Variants in ABLIM2 observed in about 807,000 individuals in gnomAD.
ABLIM2 encodes actin-binding LIM protein 2.
In ABLIM2, 53 loss-of-function variants were observed where a neutral mutation model predicts 97.7. The ratio of observed to expected loss-of-function variants is 0.54; its 90% CI spans 0.44 to 0.68. ABLIM2 has a LOEUF of 0.68. Ranked by LOEUF, ABLIM2 falls within the 30% of genes least tolerant of loss-of-function variation. ABLIM2 has a pLI of 0.00. For synonymous variants in ABLIM2, 361 were observed against 345.8 expected (o/e 1.04, Z -0.49); for missense variants, 835 against 867.2 (o/e 0.96, Z 0.47).
intron 10 of ABLIM2, among the ~76,000 whole-genome samples, chr4:8,031,361 A>G (rs1326837218): frequency 1.3e-5 from 2 of 152,336 alleles, no homozygotes; most frequent in East Asian, 3.9e-4. Context: ...CTGGAAGGGA[A>G]GCTGACATCC....
chr4:8,110,757 C>A (rs893278365), intron 1 of ABLIM2, among the ~76,000 whole-genome samples: 7 of 152,136 alleles, frequency 4.6e-5, no homozygotes, highest in Non-Finnish European at 8.8e-5. Context: ...CCGAGGCGTC[C>A]GGGGGCTGCA....
chr4:7,974,020 G>C (rs375841409), intron 20 of ABLIM2, among the ~76,000 whole-genome samples: 2 of 152,236 alleles, frequency 1.3e-5, no homozygotes, highest in East Asian at 3.8e-4. Context: ...AGGTTTCCCA[G>C]AGAAGAAACC....
intron 14 of ABLIM2, among the ~76,000 whole-genome samples, chr4:8,018,142 G>A (rs1770845365): frequency 6.6e-6 from 1 of 152,170 alleles, no homozygotes. Context: ...AACCTGGTTT[G>A]CTCTCTTCCC....
Position 8,005,837 on chromosome 4 carries a change from T to G in ABLIM2, c.1618+2222A>C, listed in dbSNP as rs529582073. On this transcript the variant is annotated intron_variant, in intron 16 of 20. Transcript: ENST00000447017. The surrounding 1 kb of genome is among the most constrained non-coding windows in gnomAD (Gnocchi z 4.9). ...GGACAGCATCATAGCCACATCTTCA[T>G]AAGCAGGCATGGCCAGGGGAAGGAC... is the stretch of plus-strand genomic sequence containing the variant. Among the ~76,000 whole-genome samples the G allele has an allele frequency of 6.6e-6, 1 of 152,320 alleles. No individual in the cohort carries two copies. Among genetic ancestry groups the G allele is most frequent in the East Asian group, 1.9e-4 (1 of 5,182 alleles).
chr4:7,993,796 T>A, intron 16 of ABLIM2: 1 of 409,150 alleles, frequency 2.4e-6, no homozygotes, highest in Non-Finnish European at 4.9e-6. Context: ...GAACTCTGGA[T>A]TCCCTGTGGG....
intron 1 of ABLIM2, 54 bp from the exon 2 acceptor site, chr4:8,106,691 G>A (rs1010319246): frequency 6.5e-7 from 1 of 1,549,930 alleles, no homozygotes; most frequent in Non-Finnish European, 8.7e-7. Flanking sequence ...GAGGCACAAA[G>A]GTGAGCAAAG....
Position 8,029,705 on chromosome 4 carries a change from G to A in ABLIM2, c.1119C>T (p.Leu373=), listed in dbSNP as rs1469731360. The A allele has an allele frequency of 1.0e-5, 16 of 1,551,454 alleles. No homozygotes were observed. Among genetic ancestry groups the A allele is most frequent in the Admixed American group, 9.8e-5 (5 of 51,058 alleles). Reference sequence around the variant, plus strand: ...ACCGTGAGGTCGGAGTGTAGCGCCCGAGGCTAACCGACCCAGTGGAGCTTG... The same window carrying A: ...ACCGTGAGGTCGGAGTGTAGCGCCCAAGGCTAACCGACCCAGTGGAGCTTG... The part of the protein sequence containing the change: ...SSPSSTGSVS[L]GRYTPTSRSP... The change falls in exon 11 of 21, where the codon CTC becomes CTT. Residue 373 remains leucine, a synonymous_variant. Transcript: ENST00000447017.
rs541463474 is a variant in ABLIM2 at position 8,122,017 on chromosome 4, C to G, written c.11-15380G>C. On this transcript the variant is annotated intron_variant, in intron 1 of 20. Coordinates refer to ENST00000447017, the MANE Select transcript of ABLIM2 (RefSeq NM_001130083.2). This position sits in a 1 kb window ranked among gnomAD's most constrained non-coding sequence, Gnocchi z 4.1. Reference sequence around the variant, plus strand: ...AGCTGAGGGGCTGAGCTAGTCCCACCAGGGACCCCACTCTCTCTCCAGGCA... The same window carrying G: ...AGCTGAGGGGCTGAGCTAGTCCCACGAGGGACCCCACTCTCTCTCCAGGCA... Among the ~76,000 whole-genome samples, 1 of 152,204 alleles carries G rather than the reference C, an allele frequency of 6.6e-6. No homozygotes were observed. The highest frequency in any genetic ancestry group is 1.5e-5 in the Non-Finnish European group (1 of 68,032).
Position 8,022,801 on chromosome 4 carries a change from C to T in ABLIM2, c.1268-2498G>A, listed in dbSNP as rs1332656826. On this transcript the variant is annotated intron_variant, in intron 12 of 20. Transcript: ENST00000447017. The surrounding 1 kb of genome is among the most constrained non-coding windows in gnomAD (Gnocchi z 7.8). ...GCTGCTAGGCTCACATCCCAGGGGG[C>T]TTCTGATATGCTACAGACGGGGATG... 1.3e-5 allele frequency: 2 copies of T among 152,378 alleles called. No homozygotes were observed. Among genetic ancestry groups the T allele is most frequent in the African/African-American group, 4.8e-5 (2 of 41,472 alleles). The allele number at this position is 152,378 out of a possible 1,614,324, so 9.4% of individuals were successfully genotyped here. A position where few individuals can be genotyped will look rare whatever the true frequency, so the allele number is the denominator to read the frequency against.
rs1812352100 is a variant in ABLIM2 at position 8,071,765 on chromosome 4, C to G, written c.675+5863G>C. ...CCCTTGGAGTTGCGGGCCAGGTTTC[C>G]TACCTGCACAGCTTCTGGGCACCAG... On this transcript the variant is annotated intron_variant, in intron 6 of 20. Transcript: ENST00000447017. The surrounding 1 kb of genome is among the most constrained non-coding windows in gnomAD (Gnocchi z 6.2). 4 of 985,314 alleles carry G rather than the reference C, an allele frequency of 4.1e-6. No homozygotes were observed. In the South Asian group the frequency reaches 1.4e-4, roughly 35 times the overall value. 61.0% of individuals were successfully genotyped at this position (985,314 alleles called of 1,614,324 possible). A position where few individuals can be genotyped will look rare whatever the true frequency, so the allele number is the denominator to read the frequency against.
Position 8,005,190 on chromosome 4 carries a change from G to T in ABLIM2, c.1618+2869C>A. The T allele has an allele frequency of 2.4e-6, 1 of 413,714 alleles. No individual in the cohort carries two copies. The highest frequency in any genetic ancestry group is 5.0e-6 in the Non-Finnish European group (1 of 201,902). 25.6% of individuals were successfully genotyped at this position (413,714 alleles called of 1,614,324 possible). The stretch of plus-strand genomic sequence containing the variant: ...GCGGGCAGGCGGCGGCGGGATGCGT[G>T]TGCGCTCGCTCTGTCGGCGTCTCTG... On this transcript the variant is annotated intron_variant, in intron 16 of 20. Coordinates refer to ENST00000447017, the MANE Select transcript of ABLIM2 (RefSeq NM_001130083.2). This position sits in a 1 kb window ranked among gnomAD's most constrained non-coding sequence, Gnocchi z 4.9.
intron 8 of ABLIM2, among the ~76,000 whole-genome samples, chr4:8,047,821 A>G (rs528704751): frequency 2.6e-5 from 4 of 152,330 alleles, no homozygotes; most frequent in African/African-American, 9.6e-5. Flanking sequence ...AGCACTGAAA[A>G]ATTCTCCCCA....
chr4:8,060,651 G>T (rs971157764), intron 7 of ABLIM2, among the ~76,000 whole-genome samples: 2 of 152,236 alleles, frequency 1.3e-5, no homozygotes, highest in Non-Finnish European at 2.9e-5. Context: ...CGACGGATGT[G>T]ATCAGGCCGT....
At chr4:8,103,465 C>A (rs770438664) in intron 2 of ABLIM2, among the ~76,000 whole-genome samples, 1 of 152,264 alleles carries the variant, frequency 6.6e-6, no homozygotes, top group African/African-American at 2.4e-5. Flanking sequence ...CTGGCTGCCA[C>A]ATCTGCAGGG....
In ABLIM2 at chr4:8,113,990, C is replaced by T. The variant is rs1174860376; in HGVS notation, c.11-7353G>A. Among the ~76,000 whole-genome samples, 1 of 152,120 alleles carries T rather than the reference C, an allele frequency of 6.6e-6. No homozygotes were observed. Among genetic ancestry groups the T allele is most frequent in the African/African-American group, 2.4e-5 (1 of 41,424 alleles). On this transcript the variant is annotated intron_variant, in intron 1 of 20. Transcript: ENST00000447017. This position sits in a 1 kb window ranked among gnomAD's most constrained non-coding sequence, Gnocchi z 4.5. ...GGCTTCTGGGAGGAGGTGACATAAA[C>T]TAGAAGCTCAGAGGATGGACAGGCA... is the stretch of plus-strand genomic sequence containing the variant.
chr4:8,049,339 C>T (rs1186185186), intron 8 of ABLIM2, among the ~76,000 whole-genome samples: 1 of 152,260 alleles, frequency 6.6e-6, no homozygotes, highest in Non-Finnish European at 1.5e-5. Context: ...ACATCCTTCT[C>T]ACCTCCGCTG....
chr4:8,009,203 A>C, intron 14 of ABLIM2, 101 bp from the exon 15 acceptor site: 1 of 1,441,900 alleles, frequency 6.9e-7, no homozygotes, highest in Non-Finnish European at 9.7e-7. Flanking sequence ...ATGAAAAATC[A>C]ATCAAAGAGA....
chr4:8,144,800 C>T (rs562184882), intron 1 of ABLIM2, among the ~76,000 whole-genome samples: 5 of 152,342 alleles, frequency 3.3e-5, no homozygotes, highest in Non-Finnish European at 4.4e-5. Flanking sequence ...TACCAGCCAC[C>T]GGGCACCCTT....
chr4:7,967,135 A>C, intron 20 of ABLIM2, 32 bp from the exon 21 acceptor site: 2 of 1,575,704 alleles, frequency 1.3e-6, no homozygotes, highest in Non-Finnish European at 1.7e-6. Context: ...AGAAGGGACC[A>C]GTTAGCCACG....
Sources: allele counts gnomAD v4.1 joint callset (sites outside exome capture counted in the v4.1 genomes callset), GRCh38; gene constraint gnomAD v4.1.1; non-coding constraint Gnocchi (gnomAD v3.1); transcripts MANE v1.5; gene names NCBI Gene and HGNC (gene_info 2026-07-23, HGNC 2026-07-21).